Variants in SPATS2L observed in about 807,000 individuals in gnomAD.
SPATS2L encodes spermatogenesis associated serine rich 2 like.
A neutral mutation model predicts 59.6 loss-of-function variants in SPATS2L; 30 were observed. The ratio of observed to expected loss-of-function variants is 0.50; its 90% CI spans 0.38 to 0.68. SPATS2L has a LOEUF of 0.68. Ranked by LOEUF, SPATS2L falls within the 30% of genes least tolerant of loss-of-function variation. SPATS2L has a pLI of 0.00. For synonymous variants in SPATS2L, 252 were observed against 263.5 expected, an observed-to-expected ratio of 0.96 and a Z score of 0.42; for missense variants, 615 against 700.0, an observed-to-expected ratio of 0.88 and a Z score of 1.37.
intron 2 of SPATS2L, among the ~76,000 whole-genome samples, chr2:200,382,050 G>A (rs902093431): frequency 3.3e-5 from 5 of 152,036 alleles, no homozygotes; most frequent in African/African-American, 9.7e-5. Flanking sequence ...GAAAACAGCC[G>A]TTTTTTGGTG....
chr2:200,394,924 T>TA (rs1286658667), intron 3 of SPATS2L, among the ~76,000 whole-genome samples: 1 of 151,824 alleles, frequency 6.6e-6, no homozygotes. Context: ...CTGCATGAAA[T>TA]AAAAAAATAA....
At chr2:200,461,321 A>AT (rs1206716156) in intron 9 of SPATS2L, 1 of 152,248 alleles carries the variant, frequency 6.6e-6, no homozygotes, top group East Asian at 1.9e-4. Flanking sequence ...TAAATTTAAC[A>AT]TAAAATATTA....
At chr2:200,317,321 T>C (rs551934023) in intron 1 of SPATS2L, among the ~76,000 whole-genome samples, 31 of 152,356 alleles carry the variant, frequency 2.0e-4, no homozygotes, top group Admixed American at 7.2e-4. Flanking sequence ...AGTTTTCTCA[T>C]GTATGAAGCA....
At chr2:200,453,268 C>A (rs2085594473) in intron 8 of SPATS2L, among the ~76,000 whole-genome samples, 1 of 152,208 alleles carries the variant, frequency 6.6e-6, no homozygotes, top group African/African-American at 2.4e-5. Context: ...TGGCAGTGTG[C>A]AAGAACGTGA....
chr2:200,454,822 C>T (rs2085724048), intron 8 of SPATS2L, among the ~76,000 whole-genome samples: 1 of 152,132 alleles, frequency 6.6e-6, no homozygotes, highest in South Asian at 2.1e-4. Flanking sequence ...GAGGGCTTTA[C>T]CCAACCATTT....
chr2:200,347,026 A>G (rs1328592027), intron 2 of SPATS2L, among the ~76,000 whole-genome samples: 1 of 152,208 alleles, frequency 6.6e-6, no homozygotes, highest in African/African-American at 2.4e-5. Context: ...GTTCTTGCCT[A>G]ATGAAAGATT....
chr2:200,317,206 T>C (rs1331080004), intron 1 of SPATS2L, among the ~76,000 whole-genome samples: 1 of 152,234 alleles, frequency 6.6e-6, no homozygotes, highest in Non-Finnish European at 1.5e-5. Context: ...CAGTATGATT[T>C]AGAAGAAAAA....
chr2:200,331,597 G>A lies in SPATS2L; in HGVS notation c.-23+2117G>A, dbSNP rs541975392. On this transcript the variant is annotated intron_variant, in intron 2 of 12. Coordinates refer to ENST00000409140, the MANE Select transcript of SPATS2L (RefSeq NM_001100423.2). ...GCTCCAGGAGGAATGATTTTGAGTC[G>A]CACCTCAGCTACTTAACAGCAGTGG... Among the ~76,000 whole-genome samples, 26 of 152,268 alleles carry A rather than the reference G, an allele frequency of 1.7e-4. No homozygotes were observed. The East Asian group carries it at 1.9e-3, about 11-fold the overall frequency.
Position 200,480,977 on chromosome 2 carries a change from C to A in SPATS2L, c.*2946C>A, listed in dbSNP as rs1031907119. On this transcript the variant is annotated 3_prime_UTR_variant, in exon 13 of 13. Coordinates refer to ENST00000409140, the MANE Select transcript of SPATS2L (RefSeq NM_001100423.2). Reference sequence around the variant, plus strand: ...TGAAGATGGAATAACTTCAAACTCACATTGTGGCACTTAGATCTTCCACCA... The same window carrying A: ...TGAAGATGGAATAACTTCAAACTCAAATTGTGGCACTTAGATCTTCCACCA... 1.3e-5 allele frequency: 2 copies of A among 152,200 alleles called. No individual in the cohort carries two copies. Among genetic ancestry groups the A allele is most frequent in the Admixed American group, 1.3e-4 (2 of 15,276 alleles). 9.4% of individuals were successfully genotyped at this position (152,200 alleles called of 1,614,324 possible).
intron 8 of SPATS2L, among the ~76,000 whole-genome samples, chr2:200,450,681 A>G (rs1281868625): frequency 6.6e-6 from 1 of 152,094 alleles, no homozygotes; most frequent in Non-Finnish European, 1.5e-5. Flanking sequence ...AGAATCTTCC[A>G]CTCAGTGAGT....
chr2:200,358,123 A>G (rs979871989), intron 2 of SPATS2L, among the ~76,000 whole-genome samples: 9 of 152,242 alleles, frequency 5.9e-5, no homozygotes, highest in African/African-American at 1.9e-4. Context: ...AAAGAAGTGA[A>G]GTTAGCCAGA....
intron 8 of SPATS2L, among the ~76,000 whole-genome samples, chr2:200,450,445 A>G (rs1272203997): frequency 1.3e-5 from 2 of 152,222 alleles, no homozygotes; most frequent in Non-Finnish European, 2.9e-5. Flanking sequence ...AGTAAGGCAA[A>G]GGGACACCCA....
At chr2:200,445,852 CTG>C (rs10545949) in intron 8 of SPATS2L, among the ~76,000 whole-genome samples, 152,185 of 152,186 alleles carry the variant, frequency 1, 76,092 homozygotes, top group Non-Finnish European at 1. Flanking sequence ...CCTGGCTTTT[CTG>C]TGTGTCCTTT....
At chr2:200,406,589 G>C (rs2082696586) in intron 3 of SPATS2L, among the ~76,000 whole-genome samples, 1 of 152,124 alleles carries the variant, frequency 6.6e-6, no homozygotes, top group African/African-American at 2.4e-5. Flanking sequence ...TCAAGGCAGA[G>C]GGTCTAATTG....
intron 2 of SPATS2L, among the ~76,000 whole-genome samples, chr2:200,380,481 A>T (rs2081768557): frequency 1.3e-5 from 2 of 152,354 alleles, no homozygotes; most frequent in East Asian, 1.9e-4. Flanking sequence ...GCATGAGCAC[A>T]TCTTGCCCTA....
intron 5 of SPATS2L, among the ~76,000 whole-genome samples, chr2:200,417,602 T>G (rs968324215): frequency 2.0e-5 from 3 of 152,066 alleles, no homozygotes; most frequent in Non-Finnish European, 2.9e-5. Context: ...AGGAAAATGG[T>G]CTCCCAGCCA....
intron 1 of SPATS2L, among the ~76,000 whole-genome samples, chr2:200,319,952 C>T (rs73050401): frequency 0.013 from 1,988 of 152,110 alleles, 48 homozygotes; most frequent in African/African-American, 0.045. Flanking sequence ...TTTTTAAATT[C>T]GATATATTAA....
intron 2 of SPATS2L, among the ~76,000 whole-genome samples, chr2:200,386,399 A>G (rs2081995628): frequency 6.6e-6 from 1 of 152,244 alleles, no homozygotes; most frequent in Admixed American, 6.5e-5. Context: ...CCCAAAGAAG[A>G]GTCTTCCTTG....
At chr2:200,458,171 T>C (rs947632612) in intron 8 of SPATS2L, among the ~76,000 whole-genome samples, 1 of 152,192 alleles carries the variant, frequency 6.6e-6, no homozygotes, top group African/African-American at 2.4e-5. Flanking sequence ...AACCAAATCA[T>C]TGATAAAGTT....
Sources: allele counts gnomAD v4.1 joint callset (sites outside exome capture counted in the v4.1 genomes callset), GRCh38; gene constraint gnomAD v4.1.1; transcripts MANE v1.5; gene names NCBI Gene and HGNC (gene_info 2026-07-23, HGNC 2026-07-21).